MACROD2: variants seen among roughly 807,000 people sequenced by gnomAD.
MACROD2 encodes the protein mono-ADP ribosylhydrolase 2.
MACROD2 carries 36 observed loss-of-function variants against 70.4 expected under a neutral mutation model. The observed-to-expected ratio is 0.51, with a 90% confidence interval of 0.39 to 0.68. MACROD2 has a LOEUF of 0.68. Among genes scored for constraint, MACROD2 ranks in the 30% least tolerant of loss-of-function variants. MACROD2 has a pLI of 0.00. For synonymous variants in MACROD2, 172 were observed against 178.8 expected, an observed-to-expected ratio of 0.96 and a Z score of 0.30; for missense variants, 496 against 538.4, an observed-to-expected ratio of 0.92 and a Z score of 0.78.
At chr20:14,956,732 A>G (rs2074540156) in intron 5 of MACROD2, among the ~76,000 whole-genome samples, 1 of 152,148 alleles carries the variant, frequency 6.6e-6, no homozygotes, top group Non-Finnish European at 1.5e-5. Context: ...TTTTTAAATC[A>G]TAAAATTTTA....
At chr20:14,381,175 TA>T (rs55860027) in intron 3 of MACROD2, among the ~76,000 whole-genome samples, 1 of 152,152 alleles carries the variant, frequency 6.6e-6, no homozygotes, top group African/African-American at 2.4e-5. Context: ...TTTTGCCTTT[TA>T]AAAAAATCTT....
At chr20:14,676,999 T>C (rs1448139247) in intron 4 of MACROD2, among the ~76,000 whole-genome samples, 1 of 152,200 alleles carries the variant, frequency 6.6e-6, no homozygotes, top group Non-Finnish European at 1.5e-5. Flanking sequence ...GAACTTTGTC[T>C]TGGTTCTCTT....
chr20:14,611,383 G>A (rs1318952416), intron 4 of MACROD2, among the ~76,000 whole-genome samples: 5 of 150,752 alleles, frequency 3.3e-5, no homozygotes, highest in Non-Finnish European at 7.4e-5. Context: ...CAAGTTTACT[G>A]GTTATTAAAT....
intron 7 of MACROD2, among the ~76,000 whole-genome samples, chr20:15,466,094 G>A (rs1283408063): frequency 2.0e-5 from 3 of 152,182 alleles, no homozygotes; most frequent in Non-Finnish European, 4.4e-5. Context: ...ATGGAGTGAG[G>A]GTGGTGGCAG....
chr20:14,860,297 G>A (rs2073300324), intron 5 of MACROD2, among the ~76,000 whole-genome samples: 1 of 151,830 alleles, frequency 6.6e-6, no homozygotes, highest in African/African-American at 2.4e-5. Context: ...TATTGAGGGG[G>A]AACAGGACAA....
intron 5 of MACROD2, among the ~76,000 whole-genome samples, chr20:15,217,204 A>C (rs942759067): frequency 6.6e-6 from 1 of 152,198 alleles, no homozygotes; most frequent in Non-Finnish European, 1.5e-5. Context: ...TATAATGATG[A>C]AATATTGACT....
intron 8 of MACROD2, among the ~76,000 whole-genome samples, chr20:15,599,401 G>C (rs1315184639): frequency 6.6e-6 from 1 of 151,754 alleles, no homozygotes; most frequent in Non-Finnish European, 1.5e-5. Flanking sequence ...AAAAAAAAAA[G>C]TGTTTAAACT....
intron 8 of MACROD2, among the ~76,000 whole-genome samples, chr20:15,808,263 T>A (rs1223516287): frequency 6.6e-6 from 1 of 152,210 alleles, no homozygotes; most frequent in East Asian, 1.9e-4. Context: ...ACACATGGAC[T>A]GATTTTCCTC....
intron 8 of MACROD2, among the ~76,000 whole-genome samples, chr20:15,836,363 G>T (rs1460128754): frequency 6.6e-6 from 1 of 152,146 alleles, no homozygotes; most frequent in African/African-American, 2.4e-5. Flanking sequence ...ATCTTCTGCA[G>T]AAGCAATCTC....
At chr20:15,679,505 T>C (rs868338189) in intron 8 of MACROD2, among the ~76,000 whole-genome samples, 1 of 152,214 alleles carries the variant, frequency 6.6e-6, no homozygotes, top group Non-Finnish European at 1.5e-5. Context: ...CCCCTTGGGC[T>C]GAGCCTGTGA....
chr20:15,877,131 C>G (rs1254782531), intron 9 of MACROD2, among the ~76,000 whole-genome samples: 2 of 152,164 alleles, frequency 1.3e-5, no homozygotes, highest in Non-Finnish European at 2.9e-5. Context: ...GACTGCTCTG[C>G]CATCTTTTCT....
At chr20:14,677,113 G>T (rs550538111) in intron 4 of MACROD2, among the ~76,000 whole-genome samples, 1 of 151,836 alleles carries the variant, frequency 6.6e-6, no homozygotes, top group Non-Finnish European at 1.5e-5. Context: ...GGATCAACTT[G>T]TTCATTTGCT....
Position 14,857,876 on chromosome 20 carries a change from A to G in MACROD2, c.418+172917A>G, listed in dbSNP as rs1234517652. On this transcript the variant is annotated intron_variant, in intron 5 of 17. Coordinates refer to ENST00000684519, the MANE Select transcript of MACROD2 (RefSeq NM_001351661.2). ...ACTCTTGTCGCCCAGGCTGGAGTACAGTGGTGCGATCTCGGCTCTCTGCAA... is the reference window on the plus strand; with the variant it reads ...ACTCTTGTCGCCCAGGCTGGAGTACGGTGGTGCGATCTCGGCTCTCTGCAA... Among the ~76,000 whole-genome samples the G allele has an allele frequency of 2.6e-5, 4 of 151,994 alleles. No homozygotes were observed. In the South Asian group the frequency reaches 6.2e-4, roughly 24 times the overall value.
chr20:15,534,015 C>T (rs1166411663), intron 8 of MACROD2, among the ~76,000 whole-genome samples: 3 of 152,108 alleles, frequency 2.0e-5, no homozygotes, highest in Admixed American at 2.0e-4. Context: ...CCCAACTGTA[C>T]AGATGATAAC....
At chr20:15,060,655 T>C (rs753136337) in intron 5 of MACROD2, among the ~76,000 whole-genome samples, 5 of 152,166 alleles carry the variant, frequency 3.3e-5, no homozygotes, top group African/African-American at 7.2e-5. Context: ...CCTTCTCCCA[T>C]GGCTTCATGT....
At chr20:15,861,476 GGTT>G (rs567392922) in intron 8 of MACROD2, among the ~76,000 whole-genome samples, 114 of 152,122 alleles carry the variant, frequency 7.5e-4, no homozygotes, top group Non-Finnish European at 1.5e-3. Context: ...AAAGAAATGT[GGTT>G]GTTTGTACTC....
intron 6 of MACROD2, among the ~76,000 whole-genome samples, chr20:15,278,113 A>G (rs2077409495): frequency 6.6e-6 from 1 of 152,234 alleles, no homozygotes; most frequent in Non-Finnish European, 1.5e-5. Context: ...CAGTGATGTT[A>G]CAGTTACAAA....
chr20:15,970,296 G>A (rs903836463), intron 13 of MACROD2, among the ~76,000 whole-genome samples: 3 of 152,122 alleles, frequency 2.0e-5, no homozygotes, highest in East Asian at 1.9e-4. Context: ...GTAGTTACTG[G>A]ATAAGTCTAG....
intron 5 of MACROD2, among the ~76,000 whole-genome samples, chr20:15,217,494 C>G (rs1225641338): frequency 6.6e-6 from 1 of 152,140 alleles, no homozygotes; most frequent in African/African-American, 2.4e-5. Flanking sequence ...TTGCTCTCTC[C>G]TGATATCATG....
Sources: allele counts gnomAD v4.1 joint callset (sites outside exome capture counted in the v4.1 genomes callset), GRCh38; gene constraint gnomAD v4.1.1; transcripts MANE v1.5; gene names NCBI Gene and HGNC (gene_info 2026-07-23, HGNC 2026-07-21).